The following HSPG2 variants were observed in gnomAD, a reference collection of about 807,000 sequenced individuals.
HSPG2 encodes heparan sulfate proteoglycan 2, also known as basement membrane-specific heparan sulfate proteoglycan core protein.
A neutral mutation model predicts 526.6 loss-of-function variants in HSPG2; 278 were observed. The observed-to-expected ratio is 0.53, with a 90% CI of 0.48 to 0.58. The LOEUF is 0.58. HSPG2 is among the 20% of genes least tolerant of loss of function. HSPG2 has a pLI of 0.00. For missense variants in HSPG2, 5,354 were observed against 6,099.5 expected, an observed-to-expected ratio of 0.88 and a Z score of 4.07; for synonymous variants, 2,465 against 2,555.4, an observed-to-expected ratio of 0.96 and a Z score of 1.07.
intron 1 of HSPG2, among the ~76,000 whole-genome samples, chr1:21,918,149 A>G (rs1290058190): frequency 6.6e-6 from 1 of 152,020 alleles, no homozygotes; most frequent in Non-Finnish European, 1.5e-5. Context: ...CCTGCACTGA[A>G]CTTCAATGTG....
chr1:21,884,696 G>A, intron 12 of HSPG2, 22 bp from the exon 13 acceptor site: 2 of 1,610,184 alleles, frequency 1.2e-6, no homozygotes, highest in Non-Finnish European at 8.5e-7. Context: ...CATGGGCGGG[G>A]GCTGCAGCCG....
Position 21,890,419 on chromosome 1 carries a change from C to T in HSPG2, c.413+8G>A. On this transcript the variant is annotated splice_region_variant and intron_variant, in intron 5 of 96. Coordinates refer to ENST00000374695, the MANE Select transcript of HSPG2 (RefSeq NM_005529.7). The surrounding 1 kb of genome is among the most constrained non-coding windows in gnomAD (Gnocchi z 4.1). ...TCCCCCAGCAGCCCCCAGGGAGCCC[C>T]TTCTCACTTGATGAACACCACACTG... The T allele has an allele frequency of 6.2e-7, 1 of 1,613,804 alleles. No homozygotes were observed. Among genetic ancestry groups the T allele is most frequent in the East Asian group, 2.2e-5 (1 of 44,874 alleles).
intron 66 of HSPG2, among the ~76,000 whole-genome samples, 155 bp downstream of exon 66, chr1:21,843,142 G>T (rs2098056463): frequency 6.6e-6 from 1 of 152,192 alleles, no homozygotes; most frequent in Admixed American, 6.5e-5. Flanking sequence ...ACCATTGTCA[G>T]ACTTGGGAAC....
rs1557692096 is a variant in HSPG2 at position 21,839,349 on chromosome 1, CAAA to C, written c.9889+19_9889+21del. ...GGCTCAGATCTCCATTTGGTGCAGA[CAAA>C]GAAGGGATGAGGCCTTACTCTCCAC... On this transcript the variant is annotated intron_variant, in intron 73 of 96. Transcript: ENST00000374695. This position sits in a 1 kb window ranked among gnomAD's most constrained non-coding sequence, Gnocchi z 4.5. The C allele has an allele frequency of 6.2e-6, 10 of 1,607,648 alleles. No individual in the cohort carries two copies. Among genetic ancestry groups the C allele is most frequent in the Non-Finnish European group, 8.5e-6 (10 of 1,179,588 alleles).
At position 21,904,581 on chromosome 1, in the gene HSPG2, C is replaced by T. The variant is rs1643271363; in HGVS notation, c.64-8271G>A. On this transcript the variant is annotated intron_variant, in intron 1 of 96. Coordinates refer to ENST00000374695, the MANE Select transcript of HSPG2 (RefSeq NM_005529.7). The surrounding 1 kb of genome is among the most constrained non-coding windows in gnomAD (Gnocchi z 4.4). ...CCCCACAGACACCCCAAGATTAGGT[C>T]TCCCCTGGTGGCTGAATGAGCTGCC... Among the ~76,000 whole-genome samples, 1 of 152,218 alleles carries T rather than the reference C, an allele frequency of 6.6e-6. No individual in the cohort carries two copies. Among genetic ancestry groups the T allele is most frequent in the South Asian group, 2.1e-4 (1 of 4,832 alleles).
Position 21,866,292 on chromosome 1 carries a change from G to A in HSPG2, c.4222-483C>T, listed in dbSNP as rs534603284. Among the ~76,000 whole-genome samples, 7 of 152,238 alleles carry A rather than the reference G, an allele frequency of 4.6e-5. No homozygotes were observed. The South Asian group carries it at 6.2e-4, about 14-fold the overall frequency. On this transcript the variant is annotated intron_variant, in intron 33 of 96. Coordinates refer to ENST00000374695, the MANE Select transcript of HSPG2 (RefSeq NM_005529.7). ...GTTCCTGCTTTCTAGAAACTAAACCGTGGTTTTCTATAAAGAACAACTGTC... is the reference window on the plus strand; with the variant it reads ...GTTCCTGCTTTCTAGAAACTAAACCATGGTTTTCTATAAAGAACAACTGTC...
Position 21,843,326 on chromosome 1 carries a change from A to G in HSPG2, c.8729T>C (p.Ile2910Thr), listed in dbSNP as rs1178848674. 1.9e-6 allele frequency: 3 copies of G among 1,613,966 alleles called. No homozygotes were observed. The highest frequency in any genetic ancestry group is 2.5e-6 in the Non-Finnish European group (3 of 1,180,036). Reference protein sequence around the residue: ...GTLEASVLVTIEPSSPGPIPA... With the variant: ...GTLEASVLVTTEPSSPGPIPA... ...AATGGGTCCTGGGCTGGAGGGCTCAATTGTGACCAGGACAGATGCCTCCAG... is the reference window on the plus strand; with the variant it reads ...AATGGGTCCTGGGCTGGAGGGCTCAGTTGTGACCAGGACAGATGCCTCCAG... The change falls in exon 66 of 97, where the codon ATT becomes ACT. Residue 2910 changes from isoleucine to threonine, a missense_variant. Coordinates refer to ENST00000374695, the MANE Select transcript of HSPG2 (RefSeq NM_005529.7).
intron 1 of HSPG2, among the ~76,000 whole-genome samples, chr1:21,931,368 G>A (rs376014318): frequency 1.3e-5 from 2 of 152,270 alleles, no homozygotes; most frequent in African/African-American, 2.4e-5. Flanking sequence ...GGAGCAGGAG[G>A]GGGTGGCAGG....
chr1:21,834,597 G>C, intron 77 of HSPG2, 82 bp downstream of exon 77: 12 of 1,513,248 alleles, frequency 7.9e-6, no homozygotes, highest in Non-Finnish European at 1.1e-5. Flanking sequence ...AGGAAGAGCA[G>C]AGCGGGCAGG....
At chr1:21,910,009 C>T (rs1643579322) in intron 1 of HSPG2, among the ~76,000 whole-genome samples, 2 of 152,252 alleles carry the variant, frequency 1.3e-5, no homozygotes, top group Non-Finnish European at 1.5e-5. Flanking sequence ...CAAAGCAGGC[C>T]TTCCTGCCTG....
At chr1:21,902,803 C>T (rs527558730) in intron 1 of HSPG2, among the ~76,000 whole-genome samples, 2 of 152,356 alleles carry the variant, frequency 1.3e-5, no homozygotes, top group East Asian at 3.8e-4. Context: ...AGTTTCTAGT[C>T]CCAGCTTAGC....
chr1:21,870,498 A>C (rs1358368076), intron 33 of HSPG2, among the ~76,000 whole-genome samples: 2 of 152,146 alleles, frequency 1.3e-5, no homozygotes, highest in African/African-American at 4.8e-5. Flanking sequence ...CCACATGCAC[A>C]CAGAGGGTTC....
chr1:21,835,164 G>A (rs1287099661), intron 76 of HSPG2: 4 of 650,012 alleles, frequency 6.2e-6, no homozygotes, highest in Non-Finnish European at 1.1e-5. Flanking sequence ...TAGACAAAGG[G>A]TCTTGGTTGT....
chr1:21,913,630 C>T (rs72662452), intron 1 of HSPG2, among the ~76,000 whole-genome samples: 2,018 of 152,244 alleles, frequency 0.013, 27 homozygotes, highest in Non-Finnish European at 0.021. Context: ...GCAGTGAGCC[C>T]GGCTGTAACT....
Position 21,890,145 on chromosome 1 carries a change from G to C in HSPG2, c.414-4C>G. The C allele has an allele frequency of 6.2e-7, 1 of 1,614,022 alleles. No homozygotes were observed. The highest frequency in any genetic ancestry group is 1.3e-5 in the African/African-American group (1 of 74,998). The stretch of plus-strand genomic sequence containing the variant: ...AAAAACCCAGCCATCCAGCTCCCTG[G>C]GGATGGAGACAGGCAGGAGAGGAGG... On this transcript the variant is annotated splice_polypyrimidine_tract_variant and splice_region_variant and intron_variant, in intron 5 of 96. Coordinates refer to ENST00000374695, the MANE Select transcript of HSPG2 (RefSeq NM_005529.7). The surrounding 1 kb of genome is among the most constrained non-coding windows in gnomAD (Gnocchi z 4.1).
In HSPG2 at chr1:21,887,614, G is replaced by A. The variant is rs369712921; in HGVS notation, c.764C>T (p.Pro255Leu). The change falls in exon 8 of 97, where the codon CCG becomes CTG. Residue 255 changes from proline (P) to leucine (L), a missense_variant. Pro to Leu is a moderately conservative substitution (Grantham distance 98). Coordinates refer to ENST00000374695, the MANE Select transcript of HSPG2 (RefSeq NM_005529.7). The surrounding 1 kb of genome is among the most constrained non-coding windows in gnomAD (Gnocchi z 5.0). ...FSLLVETTSL[P>L]PRPETTIMRQ... ...CATGATGGTTGTCTCTGGCCGGGGCGGTAAAGATGTCGTCTCCACAAGGAG... is the reference window on the plus strand; with the variant it reads ...CATGATGGTTGTCTCTGGCCGGGGCAGTAAAGATGTCGTCTCCACAAGGAG... The A allele has an allele frequency of 2.2e-5, 36 of 1,613,898 alleles. No individual in the cohort carries two copies. Among genetic ancestry groups the A allele is most frequent in the Admixed American group, 1.7e-4 (10 of 60,006 alleles).
Position 21,937,156 on chromosome 1 carries a change from G to T in HSPG2, c.62C>A (p.Ala21Glu). ...CGCCCCTCTGCCCCGCACACTCACC[G>T]CCAGCAGCCGCCCGTGCAGCAGCAG... ...LALLLHGRLL[A>E]VTHGLRAYDG... Residue 21 changes from alanine to glutamate, a missense_variant and splice_region_variant, in exon 1 of 97, where the codon GCG becomes GAG. Ala to Glu is a moderately radical substitution (Grantham distance 107, BLOSUM62 -1). Transcript: ENST00000374695. 1.4e-6 allele frequency: 1 copy of T among 734,368 alleles called. No individual in the cohort carries two copies. The highest frequency in any genetic ancestry group is 3.4e-5 in the South Asian group (1 of 29,548). The allele number at this position is 734,368 out of a possible 1,614,324, so 45.5% of individuals were successfully genotyped here. A position where few individuals can be genotyped will look rare whatever the true frequency, so the allele number is the denominator to read the frequency against.
Position 21,839,342 on chromosome 1 carries a change from G to A in HSPG2, c.9889+29C>T, listed in dbSNP as rs1161272593. On this transcript the variant is annotated intron_variant, in intron 73 of 96. Transcript: ENST00000374695. The surrounding 1 kb of genome is among the most constrained non-coding windows in gnomAD (Gnocchi z 4.5). ...GTCGGGGGGCTCAGATCTCCATTTG[G>A]TGCAGACAAAGAAGGGATGAGGCCT... The A allele has an allele frequency of 6.9e-6, 11 of 1,605,176 alleles. No individual in the cohort carries two copies. Among genetic ancestry groups the A allele is most frequent in the Admixed American group, 1.7e-5 (1 of 59,998 alleles).
intron 21 of HSPG2, among the ~76,000 whole-genome samples, chr1:21,877,323 T>C (rs190720267): frequency 0.012 from 1,872 of 152,148 alleles, 37 homozygotes; most frequent in African/African-American, 0.042. Flanking sequence ...CCTAAGGACC[T>C]TGAGAGGTAG....
Sources: allele counts gnomAD v4.1 joint callset (sites outside exome capture counted in the v4.1 genomes callset), GRCh38; gene constraint gnomAD v4.1.1; non-coding constraint Gnocchi (gnomAD v3.1); transcripts MANE v1.5; gene names NCBI Gene and HGNC (gene_info 2026-07-23, HGNC 2026-07-21).